DENND1A: variants seen among roughly 807,000 people sequenced by gnomAD.
DENND1A encodes the protein DENN domain-containing protein 1A.
In DENND1A, 51 loss-of-function variants were observed where a neutral mutation model predicts 113.7. The observed-to-expected ratio is 0.45, with a 90% CI of 0.36 to 0.57. DENND1A has a LOEUF of 0.57. Ranked by LOEUF, DENND1A falls within the 20% of genes least tolerant of loss-of-function variation. The pLI is 0.00. For missense variants in DENND1A, 1,258 were observed against 1,395.9 expected (o/e 0.90, Z 1.57); for synonymous variants, 565 against 570.8 (o/e 0.99, Z 0.14).
At chr9:123,619,318 C>T (rs975990489) in intron 10 of DENND1A, among the ~76,000 whole-genome samples, 3 of 152,098 alleles carry the variant, frequency 2.0e-5, no homozygotes, top group African/African-American at 7.2e-5. Flanking sequence ...TCTAATGTGT[C>T]TGGAATTAGT....
At chr9:123,897,405 G>A (rs1280320365) in intron 1 of DENND1A, among the ~76,000 whole-genome samples, 2 of 152,104 alleles carry the variant, frequency 1.3e-5, no homozygotes, top group Non-Finnish European at 2.9e-5. Flanking sequence ...GGTACCTAAA[G>A]CATTGAGTGA....
intron 23 of DENND1A, among the ~76,000 whole-genome samples, chr9:123,383,367 G>A (rs903679047): frequency 6.6e-6 from 1 of 152,198 alleles, no homozygotes; most frequent in Non-Finnish European, 1.5e-5. Context: ...GCCCTGCCTG[G>A]GGGTGCGAGG....
At position 123,714,033 on chromosome 9, in the gene DENND1A, G is replaced by C. The variant is rs189909198; in HGVS notation, c.303-37244C>G. On this transcript the variant is annotated intron_variant, in intron 5 of 23. Transcript: ENST00000394215. ...TACTTTTAACAGTACTTAAAAATTA[G>C]TGTGTACAGTTAGAAGCATGCTTGC... 1.5e-3 allele frequency among the ~76,000 whole-genome samples: 233 copies of C among 152,322 alleles called. 1 individual carries two copies. Among genetic ancestry groups the C allele is most frequent in the Non-Finnish European group, 2.7e-3 (187 of 68,030 alleles).
intron 2 of DENND1A, among the ~76,000 whole-genome samples, chr9:123,863,194 A>G (rs1292074002): frequency 6.6e-6 from 1 of 152,198 alleles, no homozygotes; most frequent in Non-Finnish European, 1.5e-5. Flanking sequence ...TTGAATTACG[A>G]AATGTATGAT....
chr9:123,719,011 AG>A (rs1370439688), intron 5 of DENND1A, among the ~76,000 whole-genome samples: 9 of 152,278 alleles, frequency 5.9e-5, no homozygotes, highest in African/African-American at 2.2e-4. Context: ...CAGTTTTATA[AG>A]GGGAAACCCC....
intron 19 of DENND1A, among the ~76,000 whole-genome samples, chr9:123,420,590 G>C (rs2045197319): frequency 6.6e-6 from 1 of 152,212 alleles, no homozygotes; most frequent in African/African-American, 2.4e-5. Flanking sequence ...TCTTTGCCGT[G>C]AGTGAGTGCT....
At chr9:123,651,068 C>T (rs1160537465) in intron 9 of DENND1A, among the ~76,000 whole-genome samples, 3 of 151,698 alleles carry the variant, frequency 2.0e-5, no homozygotes, top group African/African-American at 7.3e-5. Context: ...TCTATAATGG[C>T]TTAAGAATTT....
At chr9:123,582,428 C>G (rs1299101188) in intron 12 of DENND1A, among the ~76,000 whole-genome samples, 1 of 150,330 alleles carries the variant, frequency 6.7e-6, no homozygotes, top group African/African-American at 2.5e-5. Context: ...GAGATGGAGT[C>G]TTGCTCTGTC....
intron 19 of DENND1A, among the ~76,000 whole-genome samples, chr9:123,435,950 AT>A: frequency 6.6e-6 from 1 of 152,348 alleles, no homozygotes; most frequent in South Asian, 2.1e-4. Context: ...GAAAGCATCT[AT>A]GGCTCACCCA....
At chr9:123,734,749 G>C (rs1408773801) in intron 5 of DENND1A, among the ~76,000 whole-genome samples, 3 of 152,136 alleles carry the variant, frequency 2.0e-5, no homozygotes, top group South Asian at 4.1e-4. Context: ...CAGGGCACTT[G>C]GTTCTAGACA....
At chr9:123,627,494 C>T (rs1375573361) in intron 10 of DENND1A, among the ~76,000 whole-genome samples, 3 of 152,198 alleles carry the variant, frequency 2.0e-5, no homozygotes, top group Non-Finnish European at 4.4e-5. Context: ...GTAATCGCAG[C>T]CCTTCGGGAG....
At chr9:123,650,975 A>G (rs1279836858) in intron 9 of DENND1A, among the ~76,000 whole-genome samples, 3 of 151,764 alleles carry the variant, frequency 2.0e-5, no homozygotes, top group Admixed American at 2.0e-4. Context: ...TTGAATAAAT[A>G]CATGATAAAG....
intron 9 of DENND1A, among the ~76,000 whole-genome samples, chr9:123,632,699 C>T (rs1031010481): frequency 6.6e-6 from 1 of 152,170 alleles, no homozygotes; most frequent in Admixed American, 6.5e-5. Flanking sequence ...TGTAGCCACA[C>T]TCTGTACCAT....
intron 13 of DENND1A, among the ~76,000 whole-genome samples, chr9:123,551,246 T>C (rs1328857328): frequency 1.3e-5 from 2 of 152,216 alleles, no homozygotes; most frequent in Non-Finnish European, 2.9e-5. Context: ...CAGCAACCTC[T>C]GAAGCCCATA....
At chr9:123,499,588 C>A (rs2052285018) in intron 13 of DENND1A, among the ~76,000 whole-genome samples, 1 of 152,188 alleles carries the variant, frequency 6.6e-6, no homozygotes, top group Non-Finnish European at 1.5e-5. Context: ...TATGACGAGA[C>A]AAAGCACAAA....
intron 4 of DENND1A, among the ~76,000 whole-genome samples, chr9:123,763,076 G>GATTT (rs1436680875): frequency 6.8e-6 from 1 of 148,142 alleles, no homozygotes; most frequent in Non-Finnish European, 1.5e-5. Context: ...AAAGAATTCA[G>GATTT]ATTTTTTTTT....
At chr9:123,547,059 T>C (rs539792876) in intron 13 of DENND1A, among the ~76,000 whole-genome samples, 13 of 152,350 alleles carry the variant, frequency 8.5e-5, no homozygotes, top group Non-Finnish European at 1.9e-4. Flanking sequence ...TGATCATTTA[T>C]TGTGTGACTC....
At chr9:123,709,363 G>C (rs1166160576) in intron 5 of DENND1A, among the ~76,000 whole-genome samples, 1 of 152,134 alleles carries the variant, frequency 6.6e-6, no homozygotes, top group Non-Finnish European at 1.5e-5. Context: ...TAATGATCAA[G>C]CACTGATTCT....
At chr9:123,587,910 T>G (rs1054957941) in intron 11 of DENND1A, among the ~76,000 whole-genome samples, 8 of 152,214 alleles carry the variant, frequency 5.3e-5, no homozygotes, top group African/African-American at 1.9e-4. Context: ...AGTACCTAAC[T>G]GTTCAGGACA....
Sources: gnomAD v4.1 joint callset for allele counts (sites outside exome capture counted in the v4.1 genomes callset) on GRCh38, gnomAD v4.1.1 for gene constraint, MANE v1.5 for transcripts, NCBI Gene and HGNC (gene_info 2026-07-23, HGNC 2026-07-21) for gene names.